KNDC1: variants seen among roughly 807,000 people sequenced by gnomAD.
KNDC1 encodes kinase non-catalytic C-lobe domain-containing protein 1.
KNDC1 carries 106 observed loss-of-function variants against 172.8 expected under a neutral mutation model. That is an observed-to-expected ratio of 0.61 (90% CI 0.52 to 0.72). KNDC1 has a LOEUF of 0.72. Ranked by LOEUF, KNDC1 falls within the 30% of genes least tolerant of loss-of-function variation. The pLI is 0.00. For synonymous variants in KNDC1, 1,083 were observed against 1,062.2 expected (o/e 1.02, Z -0.38); for missense variants, 2,325 against 2,394.5 (o/e 0.97, Z 0.61).
chr10:133,188,424 G>A (rs765362551), intron 6 of KNDC1, 115 bp from the exon 7 acceptor site: 232 of 644,734 alleles, frequency 3.6e-4, no homozygotes, highest in Non-Finnish European at 5.5e-4. Context: ...TGTGGGGGGC[G>A]CCTACTCAGG....
intron 23 of KNDC1, among the ~76,000 whole-genome samples, chr10:133,212,276 C>A (rs931126858): frequency 6.6e-6 from 1 of 151,704 alleles, no homozygotes; most frequent in Non-Finnish European, 1.5e-5. Flanking sequence ...CACCCGCACA[C>A]GCATCCACAC....
Position 133,201,561 on chromosome 10 carries a change from T to C in KNDC1, c.3050T>C (p.Val1017Ala). The C allele has an allele frequency of 6.2e-7, 1 of 1,612,308 alleles. No homozygotes were observed. The highest frequency in any genetic ancestry group is 8.5e-7 in the Non-Finnish European group (1 of 1,179,766). The change falls in exon 17 of 30, where the codon GTG (valine) becomes GCG (alanine). Residue 1017 changes from valine to alanine, a missense_variant. By Grantham distance (64) the Val-to-Ala change is moderately conservative. Coordinates refer to ENST00000304613, the MANE Select transcript of KNDC1 (RefSeq NM_152643.8). Reference sequence around the variant, plus strand: ...AGGGCCCCCTGCTCACCCACCTCGGTGTCGGATGTGGACTCGGACGCACTG... The same window carrying C: ...AGGGCCCCCTGCTCACCCACCTCGGCGTCGGATGTGGACTCGGACGCACTG... ...SSRAPCSPTS[V>A]SDVDSDALSR...
Position 133,211,458 on chromosome 10 carries a change from C to T in KNDC1, c.3945C>T (p.Ile1315=). 6.2e-7 allele frequency: 1 copy of T among 1,613,872 alleles called. No homozygotes were observed. Among genetic ancestry groups the T allele is most frequent in the Non-Finnish European group, 8.5e-7 (1 of 1,179,876 alleles). ...ACCCCACCTCGACCTTCACCAAGAT[C>T]TACAGGCGGAGCCTCTGCGTCCTGC... ...HQDPTSTFTK[I]YRRSLCVLQA... is the part of the protein sequence containing the mutation. Residue 1315 remains isoleucine, a synonymous_variant, in exon 22 of 30, where the codon ATC becomes ATT. Coordinates refer to ENST00000304613, the MANE Select transcript of KNDC1 (RefSeq NM_152643.8).
At chr10:133,196,935 T>C (rs1854208544) in intron 10 of KNDC1, 123 bp from the exon 11 acceptor site, 1 of 726,110 alleles carries the variant, frequency 1.4e-6, no homozygotes, top group Non-Finnish European at 2.4e-6. Context: ...TGGGTGTCGG[T>C]GAGAACAAAC....
Position 133,224,975 on chromosome 10 carries a change from G to A in KNDC1, c.*85G>A, listed in dbSNP as rs889628225. The A allele has an allele frequency of 4.0e-5, 46 of 1,137,314 alleles. No homozygotes were observed. The Middle Eastern group carries it at 6.1e-4, about 15-fold the overall frequency. The allele number at this position is 1,137,314 out of a possible 1,614,324, so 70.5% of individuals were successfully genotyped here. On this transcript the variant is annotated 3_prime_UTR_variant, in exon 30 of 30. Coordinates refer to ENST00000304613, the MANE Select transcript of KNDC1 (RefSeq NM_152643.8). The surrounding 1 kb of genome is among the most constrained non-coding windows in gnomAD (Gnocchi z 5.4). ...GAGGTGGGAGCCGCGTCTCAGGCCC[G>A]GCCGTTATCAAGGCCCCTCCGCCCC...
intron 21 of KNDC1, 66 bp downstream of exon 21, chr10:133,210,790 C>A: frequency 1.6e-6 from 2 of 1,277,420 alleles, no homozygotes; most frequent in Non-Finnish European, 2.3e-6. Flanking sequence ...CGCCCATGGG[C>A]CTGGTTTAGC....
At chr10:133,177,050 C>A (rs538379572) in intron 3 of KNDC1, among the ~76,000 whole-genome samples, 59 of 152,334 alleles carry the variant, frequency 3.9e-4, no homozygotes, top group Admixed American at 1.8e-3. Context: ...CAGCAGATCA[C>A]CCAGCTGTGC....
At chr10:133,173,917 C>G (rs1326222362) in intron 3 of KNDC1, 1 of 152,246 alleles carries the variant, frequency 6.6e-6, no homozygotes, top group African/African-American at 2.4e-5. Context: ...TCATTCTCTT[C>G]TTAACTTCTC....
At position 133,199,471 on chromosome 10, in the gene KNDC1, C is replaced by T. The variant is rs374566312; in HGVS notation, c.2772C>T (p.Phe924=). ...LEALIMGEYI[F]ALKDLTFATF... ...TTGCAAAACCAGGGGAGTACATCTTCGCCTTGAAAGATCTCACCTTTGCCA... is the reference window on the plus strand; with the variant it reads ...TTGCAAAACCAGGGGAGTACATCTTTGCCTTGAAAGATCTCACCTTTGCCA... The change falls in exon 15 of 30, where the codon TTC becomes TTT. Residue 924 remains phenylalanine (F), a synonymous_variant. Transcript: ENST00000304613. 5.6e-6 allele frequency: 9 copies of T among 1,613,640 alleles called. No homozygotes were observed. The highest frequency in any genetic ancestry group is 5.3e-5 in the African/African-American group (4 of 74,950).
rs373531523 is a variant in KNDC1, at chr10:133,211,994, CAT to C, written c.4236+138_4236+139del. The C allele has an allele frequency of 3.7e-4, 293 of 789,952 alleles. 2 individuals are homozygous for C. The highest frequency in any genetic ancestry group is 3.2e-3 in the African/African-American group (184 of 57,408). 48.9% of individuals were successfully genotyped at this position (789,952 alleles called of 1,614,324 possible). A position where few individuals can be genotyped will look rare whatever the true frequency, so the allele number is the denominator to read the frequency against. On this transcript the variant is annotated intron_variant, in intron 23 of 29. Transcript: ENST00000304613. ...GGGCACAGCTGTATACATGCATACACATAGACGTGTGCACATACACTTGTGTG... is the reference window on the plus strand; with the variant it reads ...GGGCACAGCTGTATACATGCATACACAGACGTGTGCACATACACTTGTGTG...
In KNDC1 at chr10:133,199,238, G is replaced by A; in HGVS notation, c.2730G>A (p.Leu910=). ...IQEEFAFDGY[L]DNGLEALIMG... is the part of the protein sequence containing the mutation. ...AGGAATTTGCCTTCGATGGCTACCT[G>A]GACAATGGGCTGGAGGCTCTGATCA... Residue 910 remains leucine (L), a synonymous_variant, in exon 14 of 30, where the codon CTG becomes CTA. Coordinates refer to ENST00000304613, the MANE Select transcript of KNDC1 (RefSeq NM_152643.8). 1 of 1,568,126 alleles carries A rather than the reference G, an allele frequency of 6.4e-7. No homozygotes were observed. The highest frequency in any genetic ancestry group is 8.7e-7 in the Non-Finnish European group (1 of 1,155,540).
chr10:133,194,435 GTATCAGTA>G (rs201175510), intron 9 of KNDC1, among the ~76,000 whole-genome samples: 3,341 of 152,298 alleles, frequency 0.022, 45 homozygotes, highest in Middle Eastern at 0.034. Context: ...GACTATATCA[GTATCAGTA>G]TTTTGCAAGC....
At chr10:133,190,958 G>A (rs1400453618) in intron 9 of KNDC1, among the ~76,000 whole-genome samples, 3 of 152,206 alleles carry the variant, frequency 2.0e-5, no homozygotes, top group South Asian at 4.1e-4. Context: ...TTCAAGGAAC[G>A]AAAATCGCTG....
intron 5 of KNDC1, among the ~76,000 whole-genome samples, chr10:133,185,128 A>C (rs1200041955): frequency 1.3e-5 from 2 of 152,220 alleles, no homozygotes; most frequent in African/African-American, 2.4e-5. Context: ...GCACGTTTGC[A>C]GCTCAGGGTT....
chr10:133,190,605 C>T (rs1288337877), intron 9 of KNDC1, among the ~76,000 whole-genome samples: 1 of 152,218 alleles, frequency 6.6e-6, no homozygotes, highest in African/African-American at 2.4e-5. Flanking sequence ...AAGCAATGGG[C>T]GCACACTAAA....
rs549418965 is a variant in KNDC1, at chr10:133,183,570, C to T, written c.507+80C>T. ...GGACACCGTGTGCTCACCACACCCA[C>T]GCCCAGCAGCCTCACCTGGGTTCCG... is the stretch of plus-strand genomic sequence containing the variant. On this transcript the variant is annotated intron_variant, in intron 4 of 29. Transcript: ENST00000304613. The T allele has an allele frequency of 2.7e-5, 39 of 1,422,538 alleles. No homozygotes were observed. In the East Asian group the frequency reaches 3.5e-4, roughly 13 times the overall value. The allele number at this position is 1,422,538 out of a possible 1,614,324, so 88.1% of individuals were successfully genotyped here. A position where few individuals can be genotyped will look rare whatever the true frequency, so the allele number is the denominator to read the frequency against.
intron 28 of KNDC1, 65 bp from the exon 29 acceptor site, chr10:133,219,890 G>C (rs1022672365): frequency 6.6e-5 from 97 of 1,468,906 alleles, no homozygotes; most frequent in Non-Finnish European, 8.7e-5. Context: ...CGCTGGCCCC[G>C]GCTGAGGCTC....
chr10:133,202,407 C>T, intron 17 of KNDC1: 1 of 425,130 alleles, frequency 2.4e-6, no homozygotes, highest in Non-Finnish European at 4.7e-6. Flanking sequence ...CCCTGGCCAG[C>T]AGGGAGAGGA....
rs1413247983 is a variant in KNDC1 at position 133,221,963 on chromosome 10, GGCTGGGT to G, written c.5018+1854_5018+1860del. On this transcript the variant is annotated intron_variant, in intron 29 of 29. Coordinates refer to ENST00000304613, the MANE Select transcript of KNDC1 (RefSeq NM_152643.8). ...CACGCCTGTAACCCTAGGTGGGCCG[GGCTGGGT>G]GCAGCCACTCACGCCTGTAACCCTA... is the stretch of plus-strand genomic sequence containing the variant. 2.2e-4 allele frequency among the ~76,000 whole-genome samples: 32 copies of G among 146,018 alleles called. 4 individuals carry two copies. The highest frequency in any genetic ancestry group is 7.9e-4 in the African/African-American group (31 of 39,208).
Sources: gnomAD v4.1 joint callset for allele counts (sites outside exome capture counted in the v4.1 genomes callset) on GRCh38, gnomAD v4.1.1 for gene constraint, Gnocchi (gnomAD v3.1) non-coding constraint, MANE v1.5 for transcripts, NCBI Gene and HGNC (gene_info 2026-07-23, HGNC 2026-07-21) for gene names.